Variants in WDR41 observed in about 807,000 individuals in gnomAD.
WDR41 encodes WD repeat domain 41, also known as WD repeat-containing protein 41.
In WDR41, 63 loss-of-function variants were observed where a neutral mutation model predicts 69.3. The observed-to-expected ratio is 0.91, with a 90% CI of 0.74 to 1.12. The LOEUF (loss-of-function observed/expected upper bound fraction) is 1.12. Among genes scored for constraint, WDR41 ranks in the 50% most tolerant of loss-of-function variants. WDR41 has a pLI of 0.00. For missense variants in WDR41, 543 were observed against 534.5 expected (o/e 1.02, Z -0.16); for synonymous variants, 185 against 192.1 (o/e 0.96, Z 0.31).
At chr5:77,501,841 T>A (rs1428007981) in intron 1 of WDR41, among the ~76,000 whole-genome samples, 1 of 146,306 alleles carries the variant, frequency 6.8e-6, no homozygotes, top group African/African-American at 2.5e-5. Flanking sequence ...AGCATCAACA[T>A]CAAAAAGGAC....
intron 1 of WDR41, among the ~76,000 whole-genome samples, chr5:77,515,421 T>C (rs922556627): frequency 6.6e-6 from 1 of 152,212 alleles, no homozygotes; most frequent in Admixed American, 6.5e-5. Context: ...TGTCATCTAT[T>C]ATGACAACAA....
At chr5:77,536,588 A>C (rs1379420833) in intron 1 of WDR41, among the ~76,000 whole-genome samples, 1 of 152,216 alleles carries the variant, frequency 6.6e-6, no homozygotes, top group Non-Finnish European at 1.5e-5. Context: ...TCAGTCAATG[A>C]CAAACCACAT....
chr5:77,492,361 G>C, upstream of WDR41: 1 of 1,102,162 alleles, frequency 9.1e-7, no homozygotes, highest in Non-Finnish European at 1.3e-6. Context: ...CGGGCCGAAG[G>C]AATGCAGACC....
At chr5:77,468,912 C>T (rs1198781816) in intron 2 of WDR41, among the ~76,000 whole-genome samples, 1 of 64,740 alleles carries the variant, frequency 1.5e-5, no homozygotes, top group Non-Finnish European at 2.7e-5. Context: ...TCTCTAAAGT[C>T]TCTTTTTTCT....
chr5:77,530,334 A>T (rs964254232), intron 1 of WDR41, among the ~76,000 whole-genome samples: 5 of 151,682 alleles, frequency 3.3e-5, no homozygotes, highest in Non-Finnish European at 7.4e-5. Flanking sequence ...TGTTGATTGC[A>T]TCTTTATTAA....
At chr5:77,506,812 T>C (rs1173641212) in intron 1 of WDR41, among the ~76,000 whole-genome samples, 5 of 151,636 alleles carry the variant, frequency 3.3e-5, no homozygotes, top group Non-Finnish European at 7.4e-5. Flanking sequence ...CCATATGTTC[T>C]CAGTCATTGG....
At chr5:77,444,233 G>T (rs1799288265) in intron 8 of WDR41, among the ~76,000 whole-genome samples, 1 of 151,944 alleles carries the variant, frequency 6.6e-6, no homozygotes, top group African/African-American at 2.4e-5. Context: ...TCCCAAACAG[G>T]TCATTCAAAA....
chr5:77,575,614 T>C (rs1336100722), intron 1 of WDR41, among the ~76,000 whole-genome samples: 2 of 152,166 alleles, frequency 1.3e-5, no homozygotes, highest in Non-Finnish European at 2.9e-5. Flanking sequence ...GCCCAAGCTA[T>C]TGAAGTCCTT....
intron 1 of WDR41, among the ~76,000 whole-genome samples, chr5:77,559,453 C>T (rs1264768005): frequency 6.6e-6 from 1 of 152,008 alleles, no homozygotes; most frequent in East Asian, 1.9e-4. Flanking sequence ...ATTCTTGAAG[C>T]TGCTTTAGCA....
intron 1 of WDR41, among the ~76,000 whole-genome samples, chr5:77,532,374 T>G (rs1213997455): frequency 2.6e-5 from 4 of 152,100 alleles, no homozygotes; most frequent in Non-Finnish European, 4.4e-5. Flanking sequence ...TACAACCACT[T>G]TGGAAACCTG....
At chr5:77,517,657 T>TATATATATATATATATATATACAC (rs1491454629) in intron 1 of WDR41, among the ~76,000 whole-genome samples, 8 of 136,708 alleles carry the variant, frequency 5.9e-5, no homozygotes, top group African/African-American at 2.2e-4. Context: ...TATATATATA[T>TATATATATATATATATATATACAC]ACCAGGCTAA....
At chr5:77,499,983 C>T (rs1208100745) in intron 1 of WDR41, among the ~76,000 whole-genome samples, 1 of 152,080 alleles carries the variant, frequency 6.6e-6, no homozygotes, top group East Asian at 1.9e-4. Context: ...TACCAACAGT[C>T]TCCACAGGAC....
rs535271309 is a variant in WDR41 at position 77,540,068 on chromosome 5, C to G, written c.43-50496G>C. 2.6e-5 allele frequency among the ~76,000 whole-genome samples: 4 copies of G among 152,212 alleles called. No individual in the cohort carries two copies. The South Asian group carries it at 8.3e-4, about 32-fold the overall frequency. On this transcript the variant is annotated intron_variant, in intron 1 of 5. Transcript: ENST00000509971. Reference sequence around the variant, plus strand: ...AGAATATTACCTAGCTTTCCTCAACCCAGTGAAGGAGAAAAAGGGAAGATA... The same window carrying G: ...AGAATATTACCTAGCTTTCCTCAACGCAGTGAAGGAGAAAAAGGGAAGATA...
chr5:77,594,304 T>C (rs979125016), intron 1 of WDR41, among the ~76,000 whole-genome samples: 6 of 149,432 alleles, frequency 4.0e-5, no homozygotes, highest in Non-Finnish European at 8.9e-5. Context: ...TTAGGAGATA[T>C]ACCTAATGTA....
upstream of WDR41, chr5:77,492,379 A>C: frequency 1.1e-6 from 1 of 931,190 alleles, no homozygotes; most frequent in South Asian, 1.9e-5. Flanking sequence ...ACCACAGTTG[A>C]GGGAGAATTT....
chr5:77,538,460 TC>T (rs1743029155), intron 1 of WDR41, among the ~76,000 whole-genome samples: 1 of 152,146 alleles, frequency 6.6e-6, no homozygotes, highest in African/African-American at 2.4e-5. Context: ...TCTTCTTCCC[TC>T]CCCACTATAG....
In WDR41 at chr5:77,594,195, C is replaced by T. The variant is rs555208698; in HGVS notation, c.42+26284G>A. 5.6e-5 allele frequency among the ~76,000 whole-genome samples: 8 copies of T among 142,456 alleles called. No individual in the cohort carries two copies. In the South Asian group the frequency reaches 1.5e-3, roughly 27 times the overall value. The allele number at this position is 142,456 out of a possible 152,430, so 93.5% of individuals were successfully genotyped here. A position where few individuals can be genotyped will look rare whatever the true frequency, so the allele number is the denominator to read the frequency against. ...AAACCAAACACCGCATGTTCTCACTCACAGGTGGGAATTGAACAATGAGAA... is the reference window on the plus strand; with the variant it reads ...AAACCAAACACCGCATGTTCTCACTTACAGGTGGGAATTGAACAATGAGAA... On this transcript the variant is annotated intron_variant, in intron 1 of 5. Coordinates refer to the WDR41 transcript ENST00000509971.
intron 1 of WDR41, among the ~76,000 whole-genome samples, chr5:77,573,114 T>A (rs1350679999): frequency 6.6e-6 from 1 of 152,120 alleles, no homozygotes; most frequent in Non-Finnish European, 1.5e-5. Context: ...TTCCTTCCTC[T>A]CCAGGACAGA....
intron 1 of WDR41, among the ~76,000 whole-genome samples, chr5:77,558,570 G>A (rs1252261731): frequency 2.0e-5 from 3 of 152,154 alleles, no homozygotes; most frequent in Non-Finnish European, 4.4e-5. Flanking sequence ...AACGACCTTG[G>A]ATCACAAGCT....
Sources: allele counts gnomAD v4.1 joint callset (sites outside exome capture counted in the v4.1 genomes callset), GRCh38; gene constraint gnomAD v4.1.1; transcripts MANE v1.5; gene names NCBI Gene and HGNC (gene_info 2026-07-23, HGNC 2026-07-21).